The following CD163L1 variants were observed in gnomAD, a reference collection of about 807,000 sequenced individuals.
CD163L1 encodes scavenger receptor cysteine-rich type 1 protein M160.
Under a neutral mutation model 165.4 loss-of-function variants are expected in CD163L1, and 124 were observed. The ratio of observed to expected loss-of-function variants is 0.75; its 90% CI spans 0.65 to 0.87. The LOEUF (loss-of-function observed/expected upper bound fraction) is 0.87. Among genes scored for constraint, CD163L1 ranks in the 40% least tolerant of loss-of-function variants. CD163L1 has a pLI of 0.00. For missense variants in CD163L1, 1,525 were observed against 1,799.9 expected (o/e 0.85, Z 2.76); for synonymous variants, 585 against 662.2 (o/e 0.88, Z 1.79).
At chr12:7,438,535 C>T (rs1948770491) in intron 2 of CD163L1, among the ~76,000 whole-genome samples, 1 of 152,128 alleles carries the variant, frequency 6.6e-6, no homozygotes. Context: ...CATCTGAGTA[C>T]CTCTAAAAAC....
At position 7,381,130 on chromosome 12, in the gene CD163L1, C is replaced by A. The variant is rs528738847; in HGVS notation, c.2051-1832G>T. Among the ~76,000 whole-genome samples the A allele has an allele frequency of 4.2e-3, 637 of 152,202 alleles. 3 individuals are homozygous for A. Among genetic ancestry groups the A allele is most frequent in the South Asian group, 0.027 (128 of 4,820 alleles). On this transcript the variant is annotated intron_variant, in intron 8 of 19. Transcript: ENST00000313599. ...ACATTATTAAATGTCTATGTGATATCATACTATTTTTCTACTTTATATACT... is the reference window on the plus strand; with the variant it reads ...ACATTATTAAATGTCTATGTGATATAATACTATTTTTCTACTTTATATACT...
chr12:7,443,960 T>G (rs747603669), intron 1 of CD163L1, 137 bp downstream of exon 1: 8 of 816,084 alleles, frequency 9.8e-6, no homozygotes, highest in Non-Finnish European at 1.5e-5. Context: ...CACAAAACTT[T>G]CAATTTTTTT....
In CD163L1 at chr12:7,357,354, A is replaced by G. The variant is rs111795478; in HGVS notation, c.*24+26T>C. 42 of 1,462,824 alleles carry G rather than the reference A, an allele frequency of 2.9e-5. No homozygotes were observed. In the African/African-American group the frequency reaches 3.2e-4, roughly 11 times the overall value. The allele number at this position is 1,462,824 out of a possible 1,614,324, so 90.6% of individuals were successfully genotyped here. ...AGTGGGAGATTAAATTACTAGTTTT[A>G]GTAGGAACAATACTTCTCAACTTAC... On this transcript the variant is annotated intron_variant, in intron 19 of 19. Coordinates refer to ENST00000313599, the MANE Select transcript of CD163L1 (RefSeq NM_174941.6).
intron 8 of CD163L1, among the ~76,000 whole-genome samples, chr12:7,387,408 C>T (rs962834893): frequency 2.0e-5 from 3 of 152,144 alleles, no homozygotes; most frequent in African/African-American, 7.2e-5. Context: ...GATCATACTA[C>T]ATGATATAGT....
chr12:7,337,491 C>T, the CD163L1 span, among the ~76,000 whole-genome samples: 1 of 152,052 alleles, frequency 6.6e-6, no homozygotes, highest in African/African-American at 2.4e-5. Flanking sequence ...CAAACAATCC[C>T]ATCAAAAAGT....
In CD163L1 at chr12:7,368,763, A is replaced by G. The variant is rs1009863396; in HGVS notation, c.4072+170T>C. The G allele has an allele frequency of 8.0e-5, 54 of 674,532 alleles. No individual in the cohort carries two copies. In the Middle Eastern group the frequency reaches 2.2e-3, roughly 27 times the overall value. 41.8% of individuals were successfully genotyped at this position (674,532 alleles called of 1,614,324 possible). On this transcript the variant is annotated intron_variant, in intron 16 of 19. Transcript: ENST00000313599. The surrounding 1 kb of genome is among the most constrained non-coding windows in gnomAD (Gnocchi z 4.3). ...AAAAAGGATTTTTCTAGAGAGAAGG[A>G]CTGCATAGCAAAGCAGTCACAGAGC...
chr12:7,345,426 G>A (rs1946663293), downstream of CD163L1, among the ~76,000 whole-genome samples: 1 of 152,150 alleles, frequency 6.6e-6, no homozygotes, highest in African/African-American at 2.4e-5. Flanking sequence ...CTTTACTCCA[G>A]TTTCCATTAA....
At chr12:7,414,487 C>A (rs1371372224) in intron 4 of CD163L1, among the ~76,000 whole-genome samples, 1 of 151,724 alleles carries the variant, frequency 6.6e-6, no homozygotes, top group Non-Finnish European at 1.5e-5. Context: ...TCAAATTAAC[C>A]AATATATGCA....
intron 14 of CD163L1, among the ~76,000 whole-genome samples, chr12:7,371,066 C>A (rs1947136903): frequency 6.6e-6 from 1 of 152,146 alleles, no homozygotes; most frequent in Non-Finnish European, 1.5e-5. Flanking sequence ...CATGGGAGTT[C>A]CCCTGCACAT....
chr12:7,436,158 G>C (rs770006943), intron 2 of CD163L1, among the ~76,000 whole-genome samples: 1 of 152,186 alleles, frequency 6.6e-6, no homozygotes, highest in Non-Finnish European at 1.5e-5. Context: ...AAAAATGGTT[G>C]ATAAAAATCC....
intron 4 of CD163L1, among the ~76,000 whole-genome samples, chr12:7,422,991 T>G (rs1005998068): frequency 1.3e-5 from 2 of 151,926 alleles, no homozygotes; most frequent in African/African-American, 4.8e-5. Flanking sequence ...AATAGATATC[T>G]ACAAAACTCT....
At chr12:7,320,662 T>C in the CD163L1 span, 1 of 1,366,452 alleles carries the variant, frequency 7.3e-7, no homozygotes, top group Non-Finnish European at 1.0e-6. Context: ...GGTGTAGATA[T>C]CAGCTCTAGT....
intron 9 of CD163L1, among the ~76,000 whole-genome samples, chr12:7,377,943 C>T (rs1205769097): frequency 6.6e-6 from 1 of 152,180 alleles, no homozygotes; most frequent in Non-Finnish European, 1.5e-5. Flanking sequence ...ATAGTTATAT[C>T]TCCATTCAAT....
chr12:7,420,155 T>C (rs1300713498), intron 4 of CD163L1, among the ~76,000 whole-genome samples: 2 of 152,100 alleles, frequency 1.3e-5, no homozygotes, highest in Non-Finnish European at 2.9e-5. Flanking sequence ...GCAAGCCACA[T>C]GTAAAAGAGT....
chr12:7,403,996 T>C, intron 5 of CD163L1, 141 bp from the exon 6 acceptor site: 1 of 540,350 alleles, frequency 1.9e-6, no homozygotes, highest in Middle Eastern at 3.2e-4. Flanking sequence ...CTGGAAATCA[T>C]TTTGTTTTAA....
At chr12:7,353,075 T>C (rs767638244), downstream of CD163L1, among the ~76,000 whole-genome samples, 1 of 152,034 alleles carries the variant, frequency 6.6e-6, no homozygotes, top group African/African-American at 2.4e-5. Flanking sequence ...TTTAAAGAAT[T>C]AAAGAAAAAT....
Position 7,368,700 on chromosome 12 carries a change from A to G in CD163L1, c.4072+233T>C, listed in dbSNP as rs1437470607. Reference sequence around the variant, plus strand: ...ATTTGAGAATCTAGAAAGATTATCTATGAGGGTACCATGAGAGTCTTATCC... The same window carrying G: ...ATTTGAGAATCTAGAAAGATTATCTGTGAGGGTACCATGAGAGTCTTATCC... On this transcript the variant is annotated intron_variant, in intron 16 of 19. Transcript: ENST00000313599. The surrounding 1 kb of genome is among the most constrained non-coding windows in gnomAD (Gnocchi z 4.3). 3 of 482,874 alleles carry G rather than the reference A, an allele frequency of 6.2e-6. No individual in the cohort carries two copies. The highest frequency in any genetic ancestry group is 1.9e-5 in the African/African-American group (1 of 51,790). The allele number at this position is 482,874 out of a possible 1,614,324, so 29.9% of individuals were successfully genotyped here.
chr12:7,379,266 C>T lies in CD163L1; in HGVS notation c.2083G>A (p.Gly695Arg), dbSNP rs1199158200. The T allele has an allele frequency of 1.2e-6, 2 of 1,614,100 alleles. No homozygotes were observed. Among genetic ancestry groups the T allele is most frequent in the East Asian group, 2.2e-5 (1 of 44,878 alleles). The change falls in exon 9 of 20, where the codon GGA becomes AGA. Residue 695 changes from glycine (G) to arginine (R), a missense_variant. Physicochemically the swap from Gly to Arg is moderately radical, Grantham distance 125 (BLOSUM62 -2). Coordinates refer to ENST00000313599, the MANE Select transcript of CD163L1 (RefSeq NM_174941.6). ...ASDMELRLVGGSSRCAGKVEV... is the reference protein window; with the variant it reads ...ASDMELRLVGRSSRCAGKVEV... Reference sequence around the variant, plus strand: ...ACTTTTCCAGCACACCTGCTGCTTCCACCCACAAGCCTCAGCTCCATATCC... The same window carrying T: ...ACTTTTCCAGCACACCTGCTGCTTCTACCCACAAGCCTCAGCTCCATATCC...
At chr12:7,441,657 T>C (rs934926602) in intron 1 of CD163L1, among the ~76,000 whole-genome samples, 19 of 152,326 alleles carry the variant, frequency 1.2e-4, no homozygotes, top group African/African-American at 4.6e-4. Context: ...GCTCCTTTAT[T>C]GAGTATGACA....
Sources: allele counts gnomAD v4.1 joint callset (sites outside exome capture counted in the v4.1 genomes callset), GRCh38; gene constraint gnomAD v4.1.1; non-coding constraint Gnocchi (gnomAD v3.1); transcripts MANE v1.5; gene names NCBI Gene and HGNC (gene_info 2026-07-23, HGNC 2026-07-21).